Variants in RALGPS1 observed in about 807,000 individuals in gnomAD.
RALGPS1 encodes Ral GEF with PH domain and SH3 binding motif 1.
A neutral mutation model predicts 78.8 loss-of-function variants in RALGPS1; 19 were observed. That is an observed-to-expected ratio of 0.24 (90% CI 0.17 to 0.35). The LOEUF is 0.35. Among genes scored for constraint, RALGPS1 ranks in the 10% least tolerant of loss-of-function variants. The probability of loss-of-function intolerance (pLI) is 1.00; values close to 1 mark genes in which losing one functional copy is unlikely to be tolerated. For synonymous variants in RALGPS1, 228 were observed against 256.3 expected (o/e 0.89, Z 1.06); for missense variants, 454 against 688.3 (o/e 0.66, Z 3.81).
chr9:126,958,142 A>AT (rs1554765217), intron 1 of RALGPS1, among the ~76,000 whole-genome samples: 2,444 of 76,928 alleles, frequency 0.032, 97 homozygotes, highest in African/African-American at 0.084. Context: ...AAAAAAAAAA[A>AT]ATATATATAT....
At chr9:127,030,717 A>G (rs2046360134) in intron 4 of RALGPS1, among the ~76,000 whole-genome samples, 1 of 144,780 alleles carries the variant, frequency 6.9e-6, no homozygotes, top group Non-Finnish European at 1.5e-5. Flanking sequence ...GGAGAGGAAG[A>G]CGTGGAAGGT....
At chr9:127,042,082 T>G (rs2047368600) in intron 5 of RALGPS1, among the ~76,000 whole-genome samples, 1 of 152,214 alleles carries the variant, frequency 6.6e-6, no homozygotes, top group Non-Finnish European at 1.5e-5. Flanking sequence ...AATAGTAGTA[T>G]TTTTAAACCT....
Position 126,973,049 on chromosome 9 carries a change from G to A in RALGPS1, c.166-4646G>A, listed in dbSNP as rs143192597. 5.6e-3 allele frequency among the ~76,000 whole-genome samples: 856 copies of A among 152,076 alleles called. 28 individuals carry two copies. The East Asian group carries it at 0.081, about 14-fold the overall frequency. Reference sequence around the variant, plus strand: ...TGCACTCCAACCTGGGCGACAGAGCGAGACTCCATCTCAAAACAAACAAAA... The same window carrying A: ...TGCACTCCAACCTGGGCGACAGAGCAAGACTCCATCTCAAAACAAACAAAA... On this transcript the variant is annotated intron_variant, in intron 3 of 18. Coordinates refer to ENST00000259351, the MANE Select transcript of RALGPS1 (RefSeq NM_014636.3).
intron 1 of RALGPS1, among the ~76,000 whole-genome samples, chr9:126,921,417 A>T (rs533470472): frequency 6.6e-6 from 1 of 152,318 alleles, no homozygotes; most frequent in Non-Finnish European, 1.5e-5. Context: ...TTGTCTGAGT[A>T]CCTGCACTGA....
At chr9:127,050,541 C>T (rs1272971074) in intron 6 of RALGPS1, among the ~76,000 whole-genome samples, 5 of 152,192 alleles carry the variant, frequency 3.3e-5, no homozygotes, top group Non-Finnish European at 7.3e-5. Context: ...TCATTACATC[C>T]TGCACAATAT....
chr9:126,982,640 G>A, intron 4 of RALGPS1, among the ~76,000 whole-genome samples: 1 of 152,048 alleles, frequency 6.6e-6, no homozygotes, highest in Non-Finnish European at 1.5e-5. Context: ...TCACCCACCA[G>A]TTTCCCTTTA....
At chr9:127,119,989 G>A (rs1038872990) in intron 8 of RALGPS1, among the ~76,000 whole-genome samples, 4 of 152,192 alleles carry the variant, frequency 2.6e-5, no homozygotes, top group East Asian at 3.8e-4. Context: ...GCTTCCAAGC[G>A]TGCAGGGAGC....
At position 127,091,984 on chromosome 9, in the gene RALGPS1, C is replaced by T. The variant is rs2052538942; in HGVS notation, c.610+22628C>T. On this transcript the variant is annotated intron_variant, in intron 8 of 18. Transcript: ENST00000259351. This position sits in a 1 kb window ranked among gnomAD's most constrained non-coding sequence, Gnocchi z 4.3. ...AGTGTTAATGTGGAGCCTGCAGCAC[C>T]TGCAGCCAGCAGGCTTGGCTGTCAG... is the stretch of plus-strand genomic sequence containing the variant. The T allele has an allele frequency of 6.3e-7, 1 of 1,595,538 alleles. No individual in the cohort carries two copies. The highest frequency in any genetic ancestry group is 1.3e-5 in the African/African-American group (1 of 74,440).
chr9:126,918,734 G>A (rs769067617), intron 1 of RALGPS1, among the ~76,000 whole-genome samples: 11 of 149,442 alleles, frequency 7.4e-5, no homozygotes, highest in Non-Finnish European at 1.5e-4. Context: ...GTGCAATGGC[G>A]CGATCTTGGC....
intron 8 of RALGPS1, among the ~76,000 whole-genome samples, chr9:127,137,416 G>A (rs991100147): frequency 1.3e-5 from 2 of 152,230 alleles, no homozygotes; most frequent in African/African-American, 4.8e-5. Context: ...TGAGCCACAT[G>A]GAGAGGCTGA....
At chr9:127,203,644 T>C (rs928590816) in intron 14 of RALGPS1, among the ~76,000 whole-genome samples, 3 of 152,116 alleles carry the variant, frequency 2.0e-5, no homozygotes, top group African/African-American at 7.2e-5. Context: ...CTCTTCCTGC[T>C]CTGGGGGAGG....
intron 4 of RALGPS1, among the ~76,000 whole-genome samples, chr9:126,995,114 T>A (rs1405847583): frequency 3.3e-5 from 5 of 152,216 alleles, no homozygotes; most frequent in Admixed American, 3.3e-4. Context: ...AGGAAGAAAC[T>A]GCATCAACTA....
At chr9:127,028,046 A>G (rs768170472) in intron 4 of RALGPS1, among the ~76,000 whole-genome samples, 19 of 152,154 alleles carry the variant, frequency 1.2e-4, no homozygotes, top group Non-Finnish European at 1.9e-4. Flanking sequence ...GGAGCTCCCT[A>G]TGTATCTGTA....
rs2059764685 is a variant in RALGPS1, at chr9:127,174,844, T to C, written c.910+62T>C. The C allele has an allele frequency of 8.5e-6, 13 of 1,529,494 alleles. No homozygotes were observed. In the East Asian group the frequency reaches 2.7e-4, roughly 32 times the overall value. 94.7% of individuals were successfully genotyped at this position (1,529,494 alleles called of 1,614,324 possible). A position where few individuals can be genotyped will look rare whatever the true frequency, so the allele number is the denominator to read the frequency against. On this transcript the variant is annotated intron_variant, in intron 11 of 18. Coordinates refer to ENST00000259351, the MANE Select transcript of RALGPS1 (RefSeq NM_014636.3). ...AATAGCCTAATTGTGGCTGCCAGAGTTGGCCTTGACCGGGGAGGCCAAGGG... is the reference window on the plus strand; with the variant it reads ...AATAGCCTAATTGTGGCTGCCAGAGCTGGCCTTGACCGGGGAGGCCAAGGG...
intron 14 of RALGPS1, among the ~76,000 whole-genome samples, chr9:127,207,624 C>T (rs2062005486): frequency 6.6e-6 from 1 of 152,258 alleles, no homozygotes; most frequent in Admixed American, 6.5e-5. Flanking sequence ...AGGGACATTT[C>T]CAGACACTTT....
At chr9:126,955,885 C>T (rs73587390) in intron 1 of RALGPS1, among the ~76,000 whole-genome samples, 2,849 of 152,214 alleles carry the variant, frequency 0.019, 98 homozygotes, top group African/African-American at 0.065. Context: ...TGTTTAGGAA[C>T]GAGCTTTGGT....
chr9:126,926,482 C>T (rs2035292821), intron 1 of RALGPS1, among the ~76,000 whole-genome samples: 1 of 152,088 alleles, frequency 6.6e-6, no homozygotes, highest in Admixed American at 6.6e-5. Context: ...GTATGATGTG[C>T]TTCAGGGATG....
intron 5 of RALGPS1, among the ~76,000 whole-genome samples, chr9:127,048,404 C>T (rs1320646345): frequency 6.6e-6 from 1 of 152,222 alleles, no homozygotes; most frequent in Non-Finnish European, 1.5e-5. Flanking sequence ...TGAACTTCTT[C>T]CATGGCCACT....
At chr9:127,213,707 G>A (rs1293197779) in intron 17 of RALGPS1, 1 of 152,474 alleles carries the variant, frequency 6.6e-6, no homozygotes, top group Non-Finnish European at 1.5e-5. Context: ...AACTGATTTG[G>A]GCTGGAAAAT....
Sources: allele counts gnomAD v4.1 joint callset (sites outside exome capture counted in the v4.1 genomes callset), GRCh38; gene constraint gnomAD v4.1.1; non-coding constraint Gnocchi (gnomAD v3.1); transcripts MANE v1.5; gene names NCBI Gene and HGNC (gene_info 2026-07-23, HGNC 2026-07-21).